The following ANKRD55 variants were observed in gnomAD, a reference collection of about 807,000 sequenced individuals.
ANKRD55 encodes ankyrin repeat domain 55.
ANKRD55 carries 41 observed loss-of-function variants against 60.6 expected under a neutral mutation model. That is an observed-to-expected ratio of 0.68 (90% CI 0.53 to 0.88). The LOEUF (loss-of-function observed/expected upper bound fraction) is 0.88. Ranked by LOEUF, ANKRD55 falls within the 40% of genes least tolerant of loss-of-function variation. The pLI, the probability that ANKRD55 is intolerant of heterozygous loss-of-function variation, is 0.00. For missense variants in ANKRD55, 732 were observed against 767.6 expected, an observed-to-expected ratio of 0.95 and a Z score of 0.55; for synonymous variants, 264 against 290.3, an observed-to-expected ratio of 0.91 and a Z score of 0.92.
At chr5:56,156,288 C>T (rs1458542736) in intron 6 of ANKRD55, among the ~76,000 whole-genome samples, 2 of 152,184 alleles carry the variant, frequency 1.3e-5, no homozygotes, top group Non-Finnish European at 2.9e-5. Flanking sequence ...CCCAACGGGT[C>T]CATATGCTGG....
Position 56,111,628 on chromosome 5 carries a change from C to T in ANKRD55, c.1120G>A (p.Asp374Asn). ...ATGATGTCATTGACTTCTGAGGTGTCCTCCTCTCTGTATCGGTCCCTGCTG... is the reference window on the plus strand; with the variant it reads ...ATGATGTCATTGACTTCTGAGGTGTTCTCCTCTCTGTATCGGTCCCTGCTG... Reference protein sequence around the residue: ...DPSRDRYREEDTSEVNDIITT... With the variant: ...DPSRDRYREENTSEVNDIITT... The change falls in exon 10 of 12, where the codon GAC (aspartate) becomes AAC (asparagine). Residue 374 changes from aspartate (D) to asparagine (N), a missense_variant. Coordinates refer to ENST00000341048, the MANE Select transcript of ANKRD55 (RefSeq NM_024669.3). 1.3e-6 allele frequency: 2 copies of T among 1,571,394 alleles called. No individual in the cohort carries two copies. Among genetic ancestry groups the T allele is most frequent in the Admixed American group, 1.9e-5 (1 of 53,260 alleles).
intron 7 of ANKRD55, among the ~76,000 whole-genome samples, chr5:56,142,339 A>G (rs1454894892): frequency 6.6e-6 from 1 of 152,094 alleles, no homozygotes; most frequent in East Asian, 1.9e-4. Flanking sequence ...ATTTCAGAAA[A>G]CAAAACAAAA....
chr5:56,171,566 T>C (rs1758611580), intron 4 of ANKRD55, among the ~76,000 whole-genome samples: 2 of 152,190 alleles, frequency 1.3e-5, no homozygotes, highest in South Asian at 2.1e-4. Flanking sequence ...CCCATACCTA[T>C]TGATAACCAA....
intron 10 of ANKRD55, among the ~76,000 whole-genome samples, chr5:56,105,274 A>G (rs975493813): frequency 5.3e-5 from 8 of 152,018 alleles, no homozygotes; most frequent in Non-Finnish European, 1.2e-4. Context: ...TTTAGTAGAG[A>G]TGGGGTTTCA....
At chr5:56,163,550 G>T (rs910363250) in intron 5 of ANKRD55, among the ~76,000 whole-genome samples, 2 of 152,112 alleles carry the variant, frequency 1.3e-5, no homozygotes, top group African/African-American at 4.8e-5. Flanking sequence ...AGCAGGCTTG[G>T]ACCCCAGCAA....
chr5:56,159,856 C>T lies in ANKRD55; in HGVS notation c.460G>A (p.Glu154Lys), dbSNP rs867180353. ...ACCTCATTGTCCTGGTGATTAATCT[C>T]GCTGATGTTCGACTGTTGCAACAGG... ...TVLLQQSNISEINHQDNEGMT... is the reference protein window; with the variant it reads ...TVLLQQSNISKINHQDNEGMT... The change falls in exon 6 of 12, where the codon GAG becomes AAG. Residue 154 changes from glutamate (E) to lysine (K), a missense_variant. Transcript: ENST00000341048. The T allele has an allele frequency of 3.7e-6, 6 of 1,613,662 alleles. No individual in the cohort carries two copies. Among genetic ancestry groups the T allele is most frequent in the South Asian group, 1.1e-5 (1 of 91,066 alleles).
Position 56,100,138 on chromosome 5 carries a change from T to G in ANKRD55, c.*45A>C. ...TGGAGTAATCTTGTCCTTTGAGAGT[T>G]GAAAATACATATTCATCTACATTTC... is the stretch of plus-strand genomic sequence containing the variant. On this transcript the variant is annotated 3_prime_UTR_variant, in exon 12 of 12. Transcript: ENST00000341048. 1 of 1,613,292 alleles carries G rather than the reference T, an allele frequency of 6.2e-7. No homozygotes were observed. Among genetic ancestry groups the G allele is most frequent in the Non-Finnish European group, 8.5e-7 (1 of 1,179,426 alleles).
rs556811649 is a variant in ANKRD55 at position 56,192,878 on chromosome 5, T to C, written c.59-9244A>G. The C allele has an allele frequency of 9.4e-5, 61 of 651,038 alleles. 1 individual carries two copies. The highest frequency in any genetic ancestry group is 7.8e-4 in the African/African-American group (42 of 54,134). The allele number at this position is 651,038 out of a possible 1,614,324, so 40.3% of individuals were successfully genotyped here. On this transcript the variant is annotated intron_variant, in intron 2 of 11. Coordinates refer to ENST00000341048, the MANE Select transcript of ANKRD55 (RefSeq NM_024669.3). Reference sequence around the variant, plus strand: ...AAAGGCCAAACATGTCAAAGCTACATGGGCCCAGCGTTGTCTAAAAGTATT... The same window carrying C: ...AAAGGCCAAACATGTCAAAGCTACACGGGCCCAGCGTTGTCTAAAAGTATT...
Position 56,100,092 on chromosome 5 carries a change from T to C in ANKRD55, c.*91A>G, listed in dbSNP as rs532266144. ...GGCTTATAGAATGCAGCTTACTAAATTGGTCTTCGTTCTTACAAACTGGAG... is the reference window on the plus strand; with the variant it reads ...GGCTTATAGAATGCAGCTTACTAAACTGGTCTTCGTTCTTACAAACTGGAG... On this transcript the variant is annotated 3_prime_UTR_variant, in exon 12 of 12. Coordinates refer to ENST00000341048, the MANE Select transcript of ANKRD55 (RefSeq NM_024669.3). The C allele has an allele frequency of 5.8e-6, 9 of 1,551,172 alleles. No individual in the cohort carries two copies. The East Asian group carries it at 2.0e-4, about 35-fold the overall frequency.
chr5:56,123,200 A>T (rs1295385652), intron 8 of ANKRD55, among the ~76,000 whole-genome samples: 1 of 152,090 alleles, frequency 6.6e-6, no homozygotes, highest in Non-Finnish European at 1.5e-5. Flanking sequence ...CCTTGGGCAG[A>T]AGGGCACTTC....
intron 5 of ANKRD55, chr5:56,160,877 C>T (rs1443146074): frequency 4.6e-5 from 7 of 152,192 alleles, no homozygotes; most frequent in Admixed American, 2.0e-4. Context: ...GGCCCGGGCT[C>T]TGCAGCCAGA....
intron 5 of ANKRD55, among the ~76,000 whole-genome samples, chr5:56,169,472 C>T (rs898740054): frequency 2.0e-5 from 3 of 151,396 alleles, no homozygotes; most frequent in African/African-American, 7.3e-5. Context: ...GTCATCCCCT[C>T]ACGATGTCTA....
At chr5:56,166,571 G>C (rs535985101) in intron 5 of ANKRD55, among the ~76,000 whole-genome samples, 4 of 152,096 alleles carry the variant, frequency 2.6e-5, no homozygotes, top group African/African-American at 9.6e-5. Flanking sequence ...CCCCTTCAGG[G>C]ATTTTAGATT....
chr5:56,197,462 A>G (rs1188031783), intron 2 of ANKRD55, among the ~76,000 whole-genome samples: 2 of 152,198 alleles, frequency 1.3e-5, no homozygotes, highest in Admixed American at 6.5e-5. Flanking sequence ...TTTTCTGCCA[A>G]TTCATTCTGT....
intron 7 of ANKRD55, among the ~76,000 whole-genome samples, chr5:56,131,710 C>T (rs983118328): frequency 1.1e-4 from 15 of 141,364 alleles, no homozygotes; most frequent in East Asian, 4.3e-4. Flanking sequence ...ACAGGAGAAT[C>T]GCTTGAACCC....
chr5:56,121,202 A>G (rs945969929), intron 8 of ANKRD55, among the ~76,000 whole-genome samples: 7 of 152,248 alleles, frequency 4.6e-5, no homozygotes, highest in African/African-American at 1.2e-4. Flanking sequence ...AGGCACACAC[A>G]ATAAGGCAAG....
intron 6 of ANKRD55, among the ~76,000 whole-genome samples, chr5:56,148,413 G>A (rs1434041315): frequency 6.6e-6 from 1 of 152,198 alleles, no homozygotes; most frequent in Non-Finnish European, 1.5e-5. Flanking sequence ...GAGTGAGGAG[G>A]AACACATATT....
chr5:56,166,227 TTCTTTCTCTCTA>T (rs1257130902), intron 5 of ANKRD55, among the ~76,000 whole-genome samples: 1 of 144,894 alleles, frequency 6.9e-6, no homozygotes, highest in Non-Finnish European at 1.5e-5. Context: ...CTTTCTTTCT[TTCTTTCTCTCTA>T]TCTTTCTCTC....
At chr5:56,127,520 T>C (rs902927910) in intron 7 of ANKRD55, 15 of 985,094 alleles carry the variant, frequency 1.5e-5, no homozygotes, top group Admixed American at 6.2e-5. Context: ...AGAGTTCATC[T>C]TAATGTTAAA....
Sources: gnomAD v4.1 joint callset for allele counts (sites outside exome capture counted in the v4.1 genomes callset) on GRCh38, gnomAD v4.1.1 for gene constraint, MANE v1.5 for transcripts, NCBI Gene and HGNC (gene_info 2026-07-23, HGNC 2026-07-21) for gene names.